Variants in MACROD2 observed in about 807,000 individuals in gnomAD.
The protein encoded by MACROD2 is mono-ADP ribosylhydrolase 2.
A neutral mutation model predicts 70.4 loss-of-function variants in MACROD2; 36 were observed. The ratio of observed to expected loss-of-function variants is 0.51; its 90% confidence interval spans 0.39 to 0.68. The LOEUF (loss-of-function observed/expected upper bound fraction) is 0.68, where lower values mean the gene tolerates loss of function less well. Among genes scored for constraint, MACROD2 ranks in the 30% least tolerant of loss-of-function variants. The pLI, the probability that MACROD2 is intolerant of heterozygous loss-of-function variation, is 0.00. For synonymous variants in MACROD2, 172 were observed against 178.8 expected, an observed-to-expected ratio of 0.96 and a Z score of 0.30; for missense variants, 496 against 538.4, an observed-to-expected ratio of 0.92 and a Z score of 0.78.
chr20:14,583,209 C>T (rs1981157423), intron 4 of MACROD2, among the ~76,000 whole-genome samples: 1 of 152,206 alleles, frequency 6.6e-6, no homozygotes, highest in Non-Finnish European at 1.5e-5. Flanking sequence ...CCAGCATGAG[C>T]ATGTCTTTTA....
At chr20:14,733,001 T>C (rs1192594614) in intron 5 of MACROD2, among the ~76,000 whole-genome samples, 6 of 152,206 alleles carry the variant, frequency 3.9e-5, no homozygotes, top group Non-Finnish European at 8.8e-5. Flanking sequence ...CACTTGAAGA[T>C]AATTGAAATC....
At position 14,172,303 on chromosome 20, in the gene MACROD2, C is replaced by CTTTTTTT. The variant is rs142877520; in HGVS notation, c.271+86588_271+86594dup. Reference sequence around the variant, plus strand: ...TCTTATCCATTCTGCCATTCCGTACCTTTTTTTTTTTTTTTTTTTGAGATG... The same window carrying CTTTTTTT: ...TCTTATCCATTCTGCCATTCCGTACCTTTTTTTTTTTTTTTTTTTTTTTTTTGAGATG... On this transcript the variant is annotated intron_variant, in intron 3 of 17. Coordinates refer to ENST00000684519, the MANE Select transcript of MACROD2 (RefSeq NM_001351661.2). Among the ~76,000 whole-genome samples, 3 of 112,208 alleles carry CTTTTTTT rather than the reference C, an allele frequency of 2.7e-5. 1 individual carries two copies. Among genetic ancestry groups the CTTTTTTT allele is most frequent in the Admixed American group, 1.1e-4 (1 of 8,848 alleles). The allele number at this position is 112,208 out of a possible 152,430, so 73.6% of individuals were successfully genotyped here.
chr20:14,325,428 G>A, intron 3 of MACROD2: 2 of 906,642 alleles, frequency 2.2e-6, no homozygotes, highest in Non-Finnish European at 3.2e-6. Flanking sequence ...AAATTATATG[G>A]CAAATGTACA....
chr20:16,043,326 A>G (rs2067333090), intron 16 of MACROD2, among the ~76,000 whole-genome samples: 2 of 152,068 alleles, frequency 1.3e-5, no homozygotes, highest in Admixed American at 1.3e-4. Context: ...TCACTGACCA[A>G]GTCCTGACCA....
intron 8 of MACROD2, among the ~76,000 whole-genome samples, chr20:15,667,799 G>A (rs2049922163): frequency 6.6e-6 from 1 of 151,990 alleles, no homozygotes; most frequent in Non-Finnish European, 1.5e-5. Flanking sequence ...TTTCAATATA[G>A]AACAGTGTCC....
chr20:16,031,856 G>A (rs531283456), intron 15 of MACROD2, among the ~76,000 whole-genome samples: 2 of 152,218 alleles, frequency 1.3e-5, no homozygotes, highest in African/African-American at 4.8e-5. Flanking sequence ...TTAAGTAAAT[G>A]AAAACTGAGA....
At chr20:14,685,368 A>C (rs916961392) in intron 5 of MACROD2, among the ~76,000 whole-genome samples, 1 of 152,126 alleles carries the variant, frequency 6.6e-6, no homozygotes, top group African/African-American at 2.4e-5. Context: ...AGCAAAGGAG[A>C]TCAAAGTGAT....
intron 5 of MACROD2, among the ~76,000 whole-genome samples, chr20:15,117,795 C>T (rs1468414521): frequency 6.6e-6 from 1 of 152,140 alleles, no homozygotes; most frequent in South Asian, 2.1e-4. Flanking sequence ...TGCATTGGCT[C>T]CATAGACTTA....
At chr20:15,031,991 A>G (rs568923253) in intron 5 of MACROD2, among the ~76,000 whole-genome samples, 1 of 151,898 alleles carries the variant, frequency 6.6e-6, no homozygotes, top group South Asian at 2.1e-4. Flanking sequence ...TCCCTCCCAC[A>G]CTCGTGAGTA....
At chr20:15,135,246 G>A (rs942094342) in intron 5 of MACROD2, among the ~76,000 whole-genome samples, 3 of 150,664 alleles carry the variant, frequency 2.0e-5, no homozygotes, top group African/African-American at 7.3e-5. Flanking sequence ...CCAAAGCCGG[G>A]CAGAGACACA....
chr20:14,473,104 A>G (rs530796298), intron 3 of MACROD2, among the ~76,000 whole-genome samples: 3 of 152,304 alleles, frequency 2.0e-5, no homozygotes, highest in East Asian at 1.9e-4. Context: ...CATGTATACA[A>G]TATGTAATGA....
chr20:15,859,108 TA>T (rs1382799982), intron 8 of MACROD2, among the ~76,000 whole-genome samples: 2 of 152,198 alleles, frequency 1.3e-5, no homozygotes. Context: ...AAGAAAATGT[TA>T]TTAAGAAAAT....
intron 8 of MACROD2, among the ~76,000 whole-genome samples, chr20:15,644,670 T>G (rs1246329578): frequency 6.6e-6 from 1 of 152,172 alleles, no homozygotes; most frequent in Non-Finnish European, 1.5e-5. Flanking sequence ...GGGTGATCTA[T>G]CAGACCTAAA....
intron 3 of MACROD2, among the ~76,000 whole-genome samples, chr20:14,276,232 G>A (rs1309867245): frequency 6.6e-6 from 1 of 151,700 alleles, no homozygotes; most frequent in Non-Finnish European, 1.5e-5. Context: ...CAACCCAAAT[G>A]TCCAACAATG....
chr20:14,516,392 A>G lies in MACROD2; in HGVS notation c.301+22884A>G, dbSNP rs561091289. Among the ~76,000 whole-genome samples the G allele has an allele frequency of 3.3e-5, 5 of 152,152 alleles. No individual in the cohort carries two copies. The East Asian group carries it at 5.8e-4, about 18-fold the overall frequency. On this transcript the variant is annotated intron_variant, in intron 4 of 17. Transcript: ENST00000684519. ...GTCTTTGCCCATGCCTGTGTCCTGA[A>G]TGGTATTGCCTAGGTTTTCTTCTAG...
chr20:14,038,001 C>A (rs1315644959), intron 2 of MACROD2, among the ~76,000 whole-genome samples: 1 of 151,906 alleles, frequency 6.6e-6, no homozygotes, highest in Non-Finnish European at 1.5e-5. Flanking sequence ...AATTAAAAAA[C>A]AAACAAACAA....
intron 15 of MACROD2, among the ~76,000 whole-genome samples, chr20:16,028,678 C>T (rs2067113264): frequency 6.6e-6 from 1 of 152,092 alleles, no homozygotes; most frequent in South Asian, 2.1e-4. Flanking sequence ...TAAAAACAGG[C>T]ACAGGCACAT....
intron 3 of MACROD2, among the ~76,000 whole-genome samples, chr20:14,382,539 A>G (rs1276276729): frequency 6.6e-6 from 1 of 151,860 alleles, no homozygotes; most frequent in Non-Finnish European, 1.5e-5. Context: ...GTGGTGGTTC[A>G]TGCCTGTAAT....
At chr20:15,628,484 G>C (rs2049239733) in intron 8 of MACROD2, among the ~76,000 whole-genome samples, 1 of 152,240 alleles carries the variant, frequency 6.6e-6, no homozygotes, top group Admixed American at 6.5e-5. Context: ...GAGAAAACAA[G>C]GAAGTTTCAA....
Sources: gnomAD v4.1 joint callset for allele counts (sites outside exome capture counted in the v4.1 genomes callset) on GRCh38, gnomAD v4.1.1 for gene constraint, MANE v1.5 for transcripts, NCBI Gene and HGNC (gene_info 2026-07-23, HGNC 2026-07-21) for gene names.